Variants in CDH13 observed in about 807,000 individuals in gnomAD.
CDH13 encodes cadherin 13, also known as cadherin-13.
CDH13 carries 24 observed loss-of-function variants against 63.8 expected under a neutral mutation model. The ratio of observed to expected loss-of-function variants is 0.38; its 90% CI spans 0.27 to 0.53. CDH13 has a LOEUF of 0.53. Among genes scored for constraint, CDH13 ranks in the 20% least tolerant of loss-of-function variants. The pLI is 0.85. For synonymous variants in CDH13, 503 were observed against 355.3 expected (o/e 1.42, Z -4.67); for missense variants, 1,049 against 903.1 (o/e 1.16, Z -2.07).
intron 4 of CDH13, among the ~76,000 whole-genome samples, chr16:83,182,486 C>T (rs560919043): frequency 6.6e-6 from 1 of 152,314 alleles, no homozygotes; most frequent in Non-Finnish European, 1.5e-5. Flanking sequence ...CATGTGTGTT[C>T]ACTTTATGAT....
intron 9 of CDH13, among the ~76,000 whole-genome samples, chr16:83,677,931 G>T (rs1046969412): frequency 6.6e-6 from 1 of 152,078 alleles, no homozygotes; most frequent in Non-Finnish European, 1.5e-5. Context: ...GTCACTCAGT[G>T]TCCGGATCAC....
intron 2 of CDH13, among the ~76,000 whole-genome samples, chr16:83,000,223 ATTTTTTTTTTTTTTTTTTTTTTT>A (rs746904500): frequency 3.5e-4 from 13 of 37,034 alleles, no homozygotes; most frequent in South Asian, 9.3e-4. Flanking sequence ...GGTTTAGCTT[ATTTTTTTTTTTTTTTTTTTTTTT>A]TTTTTTTTTT....
At chr16:83,627,465 C>G (rs1016403537) in intron 8 of CDH13, among the ~76,000 whole-genome samples, 1 of 152,208 alleles carries the variant, frequency 6.6e-6, no homozygotes, top group African/African-American at 2.4e-5. Context: ...AATTGCAAAA[C>G]TTTCTGGGGA....
intron 11 of CDH13, among the ~76,000 whole-genome samples, chr16:83,764,563 C>T (rs1914232936): frequency 6.6e-6 from 1 of 152,128 alleles, no homozygotes; most frequent in Non-Finnish European, 1.5e-5. Flanking sequence ...ATTGGCATTG[C>T]CATCTACCCA....
chr16:83,333,465 A>T (rs1194140550), intron 5 of CDH13, among the ~76,000 whole-genome samples: 1 of 151,968 alleles, frequency 6.6e-6, no homozygotes, highest in African/African-American at 2.4e-5. Context: ...CTCTTCTGGG[A>T]GACTGTCAGG....
At chr16:83,543,503 T>C (rs9928980) in intron 7 of CDH13, among the ~76,000 whole-genome samples, 37,129 of 152,166 alleles carry the variant, frequency 0.24, 4,503 homozygotes, top group Admixed American at 0.29. Context: ...TTCATCTCTA[T>C]TTAGCAAGTG....
At chr16:82,797,887 C>G (rs1477011436) in intron 1 of CDH13, among the ~76,000 whole-genome samples, 1 of 151,850 alleles carries the variant, frequency 6.6e-6, no homozygotes, top group African/African-American at 2.4e-5. Context: ...CAGAAAGACA[C>G]CACAGCCTTC....
intron 11 of CDH13, among the ~76,000 whole-genome samples, chr16:83,767,934 CA>C (rs1186710456): frequency 6.6e-6 from 1 of 151,598 alleles, no homozygotes; most frequent in African/African-American, 2.4e-5. Flanking sequence ...GATGGTCGCA[CA>C]ACTCTGTAAA....
intron 4 of CDH13, among the ~76,000 whole-genome samples, chr16:83,207,340 C>A (rs1438352561): frequency 6.6e-6 from 1 of 152,156 alleles, no homozygotes; most frequent in African/African-American, 2.4e-5. Flanking sequence ...AATATCTGTT[C>A]TTCTGTAACT....
At chr16:83,627,882 T>G (rs1910455976) in intron 8 of CDH13, among the ~76,000 whole-genome samples, 1 of 152,244 alleles carries the variant, frequency 6.6e-6, no homozygotes, top group Non-Finnish European at 1.5e-5. Flanking sequence ...ATTTCTTGAC[T>G]GTGTGTTAAA....
intron 5 of CDH13, among the ~76,000 whole-genome samples, chr16:83,338,184 T>A (rs201150973): frequency 0.021 from 2,796 of 135,044 alleles, 79 homozygotes; most frequent in East Asian, 0.071. Context: ...CTCTTCTTTT[T>A]AAAAAAAAAA....
chr16:82,984,129 A>G lies in CDH13; in HGVS notation c.158-47881A>G, dbSNP rs2194282. On this transcript the variant is annotated intron_variant, in intron 2 of 13. Coordinates refer to ENST00000567109, the MANE Select transcript of CDH13 (RefSeq NM_001257.5). ...ATGGGAGGCCATTAAACACACCCCA[A>G]ATATTCTAAATTTGGATTTCAAGGG... Among the ~76,000 whole-genome samples the G allele has an allele frequency of 2.4e-3, 363 of 152,300 alleles. 1 individual carries two copies. The highest frequency in any genetic ancestry group is 0.017 in the Middle Eastern group (5 of 294).
At chr16:82,668,240 A>G (rs927825768) in intron 1 of CDH13, among the ~76,000 whole-genome samples, 17 of 152,124 alleles carry the variant, frequency 1.1e-4, no homozygotes, top group African/African-American at 3.1e-4. Context: ...CCCGTGTCCT[A>G]TGAGCCCTGA....
chr16:82,811,774 G>T (rs1472353949), intron 1 of CDH13, among the ~76,000 whole-genome samples: 3 of 152,066 alleles, frequency 2.0e-5, no homozygotes, highest in African/African-American at 4.8e-5. Context: ...ATGACAATTG[G>T]GTATGTATAG....
intron 1 of CDH13, among the ~76,000 whole-genome samples, chr16:82,800,743 C>T (rs2036811051): frequency 6.6e-6 from 1 of 152,136 alleles, no homozygotes; most frequent in Non-Finnish European, 1.5e-5. Context: ...CAGGATTTAC[C>T]TAAAGCTCAA....
At chr16:82,932,624 G>GT (rs953614943) in intron 2 of CDH13, among the ~76,000 whole-genome samples, 1 of 152,134 alleles carries the variant, frequency 6.6e-6, no homozygotes. Context: ...GAAAAAATGT[G>GT]TTTTTTCTCA....
chr16:82,971,424 A>G (rs971096024), intron 2 of CDH13, among the ~76,000 whole-genome samples: 1 of 152,230 alleles, frequency 6.6e-6, no homozygotes, highest in Non-Finnish European at 1.5e-5. Context: ...GCAAAGCATA[A>G]GGTTTCCAAC....
In CDH13 at chr16:83,369,014, T is replaced by C. The variant is rs577148265; in HGVS notation, c.781+24008T>C. On this transcript the variant is annotated intron_variant, in intron 6 of 13. Coordinates refer to ENST00000567109, the MANE Select transcript of CDH13 (RefSeq NM_001257.5). ...ATGTTCTTGCAATTGCAAATTGTGC[T>C]GCTATAAACATGCATGTGCAAGTAT... 2.8e-4 allele frequency among the ~76,000 whole-genome samples: 42 copies of C among 147,712 alleles called. No homozygotes were observed. In the East Asian group the frequency reaches 8.1e-3, roughly 28 times the overall value.
At chr16:83,541,386 A>G (rs1023243499) in intron 7 of CDH13, among the ~76,000 whole-genome samples, 2 of 152,124 alleles carry the variant, frequency 1.3e-5, no homozygotes, top group African/African-American at 2.4e-5. Context: ...TCACATTCCC[A>G]CCAGCTCCTC....
Sources: gnomAD v4.1 joint callset for allele counts (sites outside exome capture counted in the v4.1 genomes callset) on GRCh38, gnomAD v4.1.1 for gene constraint, MANE v1.5 for transcripts, NCBI Gene and HGNC (gene_info 2026-07-23, HGNC 2026-07-21) for gene names.